Variants in SERINC5 observed in about 807,000 individuals in gnomAD.
SERINC5 encodes chromosome 5 open reading frame 12.
A neutral mutation model predicts 63.1 loss-of-function variants in SERINC5; 41 were observed. That is an observed-to-expected ratio of 0.65 (90% confidence interval 0.51 to 0.84). The LOEUF (loss-of-function observed/expected upper bound fraction) is 0.84. SERINC5 is among the 40% of genes least tolerant of loss of function. The pLI, the probability that SERINC5 is intolerant of heterozygous loss-of-function variation, is 0.00. For missense variants in SERINC5, 523 were observed against 573.0 expected, an observed-to-expected ratio of 0.91 and a Z score of 0.89; for synonymous variants, 222 against 215.2, an observed-to-expected ratio of 1.03 and a Z score of -0.28.
chr5:80,209,815 G>A (rs577542880), intron 1 of SERINC5, among the ~76,000 whole-genome samples: 1 of 152,250 alleles, frequency 6.6e-6, no homozygotes, highest in South Asian at 2.1e-4. Context: ...ACCCAGCACT[G>A]GGTAGGCGGA....
intron 1 of SERINC5, among the ~76,000 whole-genome samples, chr5:80,241,975 A>G (rs1174996478): frequency 6.6e-6 from 1 of 151,732 alleles, no homozygotes; most frequent in Non-Finnish European, 1.5e-5. Flanking sequence ...GAGAATTAAA[A>G]AAAAAAAAAT....
intron 1 of SERINC5, among the ~76,000 whole-genome samples, chr5:80,203,960 T>C (rs1481686746): frequency 6.6e-6 from 1 of 152,184 alleles, no homozygotes; most frequent in African/African-American, 2.4e-5. Flanking sequence ...CAGCCGCATG[T>C]ACATAATAGT....
chr5:80,174,239 T>G (rs1747866025), intron 5 of SERINC5, among the ~76,000 whole-genome samples: 1 of 151,882 alleles, frequency 6.6e-6, no homozygotes, highest in Non-Finnish European at 1.5e-5. Context: ...TGGTGCCACA[T>G]GCCTGTAGTC....
At chr5:80,204,301 GAA>G (rs1214108061) in intron 1 of SERINC5, among the ~76,000 whole-genome samples, 1 of 152,192 alleles carries the variant, frequency 6.6e-6, no homozygotes, top group African/African-American at 2.4e-5. Flanking sequence ...TCTGAAATGA[GAA>G]AAGTCTTGTG....
In SERINC5 at chr5:80,157,149, C is replaced by T. The variant is rs1389247154; in HGVS notation, c.986+1687G>A. ...GTGGGATTACAGGTGCATACCACCA[C>T]ACCCCGCTAATTTTTGTATTTTTAG... On this transcript the variant is annotated intron_variant, in intron 8 of 11. Coordinates refer to ENST00000507668, the MANE Select transcript of SERINC5 (RefSeq NM_001174072.3). The T allele has an allele frequency of 2.6e-5, 4 of 152,020 alleles. No homozygotes were observed. In the South Asian group the frequency reaches 6.2e-4, roughly 24 times the overall value. The allele number at this position is 152,020 out of a possible 1,614,324, so 9.4% of individuals were successfully genotyped here.
intron 2 of SERINC5, among the ~76,000 whole-genome samples, chr5:80,194,995 C>A (rs1749411142): frequency 6.6e-6 from 1 of 152,072 alleles, no homozygotes; most frequent in Non-Finnish European, 1.5e-5. Context: ...TTTAAAAATT[C>A]TTAACAATGG....
chr5:80,241,252 C>T (rs926602154), intron 1 of SERINC5, among the ~76,000 whole-genome samples: 3 of 151,732 alleles, frequency 2.0e-5, no homozygotes, highest in South Asian at 2.1e-4. Flanking sequence ...GGGCGGATCA[C>T]GAGGTCAGGA....
At chr5:80,189,710 T>G (rs1042038384) in intron 2 of SERINC5, among the ~76,000 whole-genome samples, 3 of 152,168 alleles carry the variant, frequency 2.0e-5, no homozygotes, top group Non-Finnish European at 2.9e-5. Context: ...TAGTTTCTTT[T>G]TTTTTCTTTT....
intron 1 of SERINC5, among the ~76,000 whole-genome samples, chr5:80,210,009 G>T (rs1750357391): frequency 6.6e-6 from 1 of 151,900 alleles, no homozygotes; most frequent in African/African-American, 2.4e-5. Context: ...AGTGAGCAGA[G>T]ATTGCACCAT....
At chr5:80,186,181 G>A (rs1036238193) in intron 2 of SERINC5, among the ~76,000 whole-genome samples, 5 of 146,522 alleles carry the variant, frequency 3.4e-5, no homozygotes, top group South Asian at 4.4e-4. Flanking sequence ...TTGTCGCCCA[G>A]GCTGGAGTAC....
chr5:80,168,649 C>T (rs1156269260), intron 6 of SERINC5, among the ~76,000 whole-genome samples: 2 of 152,212 alleles, frequency 1.3e-5, no homozygotes, highest in African/African-American at 2.4e-5. Context: ...AGACCAGGGA[C>T]ATCTCACTGT....
rs533320815 is a variant in SERINC5 at position 80,139,962 on chromosome 5, G to A, written c.*3701C>T. On this transcript the variant is annotated 3_prime_UTR_variant, in exon 12 of 12. Transcript: ENST00000507668. ...TAAAAGCCTAGGTAGCTTAAATACAGGCTCTGGAATTTCCTTCGCAGGAAG... is the reference window on the plus strand; with the variant it reads ...TAAAAGCCTAGGTAGCTTAAATACAAGCTCTGGAATTTCCTTCGCAGGAAG... 5 of 985,374 alleles carry A rather than the reference G, an allele frequency of 5.1e-6. No individual in the cohort carries two copies. The African/African-American group carries it at 7.0e-5, about 14-fold the overall frequency. The allele number at this position is 985,374 out of a possible 1,614,324, so 61.0% of individuals were successfully genotyped here. A position where few individuals can be genotyped will look rare whatever the true frequency, so the allele number is the denominator to read the frequency against.
chr5:80,119,846 T>A (rs781421474), intron 11 of SERINC5, among the ~76,000 whole-genome samples: 5 of 152,178 alleles, frequency 3.3e-5, no homozygotes, highest in South Asian at 4.1e-4. Context: ...AACCAACCAT[T>A]TTAAATAACC....
At chr5:80,237,961 G>A (rs932826930) in intron 1 of SERINC5, among the ~76,000 whole-genome samples, 1 of 151,724 alleles carries the variant, frequency 6.6e-6, no homozygotes, top group Non-Finnish European at 1.5e-5. Flanking sequence ...AAAATTAGCT[G>A]GGCGTGGTGG....
At chr5:80,241,475 A>C (rs994841758) in intron 1 of SERINC5, among the ~76,000 whole-genome samples, 1 of 152,140 alleles carries the variant, frequency 6.6e-6, no homozygotes, top group African/African-American at 2.4e-5. Flanking sequence ...CTCAAATAAT[A>C]ATAAGAAGAA....
In SERINC5 at chr5:80,163,053, C is replaced by G. The variant is rs183208426; in HGVS notation, c.859+3330G>C. On this transcript the variant is annotated intron_variant, in intron 7 of 11. Coordinates refer to ENST00000507668, the MANE Select transcript of SERINC5 (RefSeq NM_001174072.3). ...TATTTTTAGTAGACACGAGGTCTCA[C>G]CATGTTGGCCAAGCTGGTCTCAAGC... Among the ~76,000 whole-genome samples, 26 of 152,100 alleles carry G rather than the reference C, an allele frequency of 1.7e-4. 1 individual carries two copies. In the East Asian group the frequency reaches 4.7e-3, roughly 27 times the overall value.
intron 6 of SERINC5, among the ~76,000 whole-genome samples, chr5:80,168,693 C>G (rs974496870): frequency 1.3e-5 from 2 of 152,178 alleles, no homozygotes; most frequent in African/African-American, 4.8e-5. Context: ...GCTTAAGAAA[C>G]CAAGAGTAGT....
intron 1 of SERINC5, among the ~76,000 whole-genome samples, chr5:80,226,570 G>A (rs1004900418): frequency 5.9e-5 from 9 of 152,116 alleles, no homozygotes; most frequent in Non-Finnish European, 1.2e-4. Flanking sequence ...AGTCAGAAGA[G>A]CCCACTGGAT....
intron 8 of SERINC5, among the ~76,000 whole-genome samples, chr5:80,152,491 CAA>C (rs199692612): frequency 0.099 from 9,840 of 99,840 alleles, 1,071 homozygotes; most frequent in African/African-American, 0.3. Flanking sequence ...GACCCTGTCT[CAA>C]AAAAAAAAAA....
Sources: allele counts gnomAD v4.1 joint callset (sites outside exome capture counted in the v4.1 genomes callset), GRCh38; gene constraint gnomAD v4.1.1; transcripts MANE v1.5; gene names NCBI Gene and HGNC (gene_info 2026-07-23, HGNC 2026-07-21).